ATP10B: variants seen among roughly 807,000 people sequenced by gnomAD.
ATP10B encodes phospholipid-transporting ATPase VB.
ATP10B carries 122 observed loss-of-function variants against 141.2 expected under a neutral mutation model. That is an observed-to-expected ratio of 0.86 (90% CI 0.75 to 1.00). The LOEUF (loss-of-function observed/expected upper bound fraction) is 1.00, where lower values mean the gene tolerates loss of function less well. Ranked by LOEUF, ATP10B falls within the 50% of genes least tolerant of loss-of-function variation. The probability of loss-of-function intolerance (pLI) is 0.00; values close to 1 mark genes in which losing one functional copy is unlikely to be tolerated. For synonymous variants in ATP10B, 685 were observed against 692.0 expected, an observed-to-expected ratio of 0.99 and a Z score of 0.16; for missense variants, 1,876 against 1,825.3, an observed-to-expected ratio of 1.03 and a Z score of -0.51.
Position 160,785,554 on chromosome 5 carries a change from A to G in ATP10B, c.-331+5T>C. The G allele has an allele frequency of 1.5e-6, 1 of 652,758 alleles. No homozygotes were observed. The highest frequency in any genetic ancestry group is 1.5e-5 in the South Asian group (1 of 68,290). The allele number at this position is 652,758 out of a possible 1,614,324, so 40.4% of individuals were successfully genotyped here. On this transcript the variant is annotated splice_donor_5th_base_variant and intron_variant, in intron 2 of 25. Transcript: ENST00000327245. Reference sequence around the variant, plus strand: ...ACCCCACTGCCCAAGAAGTAAAGATAGTACCTGATAGGTAGATTTCAAGTC... The same window carrying G: ...ACCCCACTGCCCAAGAAGTAAAGATGGTACCTGATAGGTAGATTTCAAGTC...
intron 7 of ATP10B, among the ~76,000 whole-genome samples, chr5:160,667,705 G>T (rs1241670171): frequency 6.6e-6 from 1 of 152,170 alleles, no homozygotes; most frequent in African/African-American, 2.4e-5. Flanking sequence ...GAGTGTGAAT[G>T]ACCCTTTTAC....
rs183076673 is a variant in ATP10B, at chr5:160,667,958, C to T, written c.675+2505G>A. 3.3e-4 allele frequency among the ~76,000 whole-genome samples: 50 copies of T among 152,082 alleles called. 1 individual carries two copies. In the South Asian group the frequency reaches 5.6e-3, roughly 17 times the overall value. ...AAAAACGGTAGAATAGGCCAGGCAC[C>T]GGGGCTCACACCTGTAATCCCCACA... On this transcript the variant is annotated intron_variant, in intron 7 of 25. Transcript: ENST00000327245.
intron 24 of ATP10B, 74 bp from the exon 25 acceptor site, chr5:160,569,757 T>C: frequency 8.2e-7 from 1 of 1,216,006 alleles, no homozygotes; most frequent in Non-Finnish European, 1.1e-6. Context: ...AACTACTTGA[T>C]TAACTTTGTT....
chr5:160,640,543 G>C lies in ATP10B; in HGVS notation c.918C>G (p.Arg306=), dbSNP rs1208931664. The C allele has an allele frequency of 1.9e-6, 3 of 1,614,122 alleles. No individual in the cohort carries two copies. The highest frequency in any genetic ancestry group is 2.5e-6 in the Non-Finnish European group (3 of 1,180,000). ...MLNNSGPRYK[R]SKIERRMNID... The stretch of plus-strand genomic sequence containing the variant: ...TATTCATGCGCCGCTCAATCTTGCT[G>C]CGTTTGTACCGGGGGCCACTGTTGT... The change falls in exon 10 of 26, where the codon CGC becomes CGG. Residue 306 remains arginine (R), a synonymous_variant. Coordinates refer to ENST00000327245, the MANE Select transcript of ATP10B (RefSeq NM_025153.3).
intron 3 of ATP10B, among the ~76,000 whole-genome samples, chr5:160,706,877 C>A (rs1216766311): frequency 6.6e-6 from 1 of 152,114 alleles, no homozygotes; most frequent in Non-Finnish European, 1.5e-5. Context: ...GTCACAGTGA[C>A]ACATAGGCCT....
chr5:160,802,443 T>C (rs1772437773), intron 1 of ATP10B, among the ~76,000 whole-genome samples: 2 of 152,172 alleles, frequency 1.3e-5, no homozygotes, highest in African/African-American at 4.8e-5. Context: ...CTAGAGGCAT[T>C]TTTGGTTGTC....
chr5:160,687,013 A>G (rs12652215), intron 5 of ATP10B: 841,614 of 972,010 alleles, frequency 0.87, 364,586 homozygotes, highest in East Asian at 0.9. Flanking sequence ...CTTTGCATGT[A>G]CAGGTCTGTC....
At chr5:160,854,665 T>C (rs1389873252), upstream of ATP10B, among the ~76,000 whole-genome samples, 1 of 152,164 alleles carries the variant, frequency 6.6e-6, no homozygotes, top group African/African-American at 2.4e-5. Context: ...TAGAATGACT[T>C]ATAGGGTATA....
At chr5:160,823,482 C>T (rs917056147) in intron 1 of ATP10B, among the ~76,000 whole-genome samples, 14 of 151,866 alleles carry the variant, frequency 9.2e-5, no homozygotes, top group Admixed American at 3.3e-4. Flanking sequence ...GGCAAACCAC[C>T]GTGGCACACA....
chr5:160,778,341 A>C (rs1490246816), intron 2 of ATP10B, among the ~76,000 whole-genome samples: 1 of 152,196 alleles, frequency 6.6e-6, no homozygotes, highest in African/African-American at 2.4e-5. Context: ...CAAGGATGGA[A>C]GAAAGACTGC....
chr5:160,814,848 A>C (rs1038963896), intron 1 of ATP10B, among the ~76,000 whole-genome samples: 2 of 152,222 alleles, frequency 1.3e-5, no homozygotes, highest in African/African-American at 4.8e-5. Context: ...CTTAAAGAAA[A>C]GATTTTTTAA....
chr5:160,889,219 A>C, the ATP10B span, among the ~76,000 whole-genome samples: 380 of 152,272 alleles, frequency 2.5e-3, 2 homozygotes, highest in African/African-American at 8.5e-3. Flanking sequence ...GCCTTCCAAC[A>C]TTCCTCATTG....
At position 160,604,053 on chromosome 5, in the gene ATP10B, G is replaced by A; in HGVS notation, c.3161-12C>T. ...ATTTGCTCCATCACCTGAAAGAGAG[G>A]TCATAACGTGTCTTTATTTTTGGTC... is the stretch of plus-strand genomic sequence containing the variant. On this transcript the variant is annotated splice_polypyrimidine_tract_variant and intron_variant, in intron 19 of 25. Coordinates refer to ENST00000327245, the MANE Select transcript of ATP10B (RefSeq NM_025153.3). The A allele has an allele frequency of 6.2e-7, 1 of 1,610,998 alleles. No individual in the cohort carries two copies. The highest frequency in any genetic ancestry group is 8.5e-7 in the Non-Finnish European group (1 of 1,177,512).
chr5:160,760,974 T>C (rs1768986624), intron 2 of ATP10B, among the ~76,000 whole-genome samples: 1 of 152,108 alleles, frequency 6.6e-6, no homozygotes, highest in South Asian at 2.1e-4. Context: ...TCTTGGCAGC[T>C]CAATAGCCCC....
At chr5:160,729,859 G>T (rs901522408) in intron 2 of ATP10B, among the ~76,000 whole-genome samples, 1 of 152,056 alleles carries the variant, frequency 6.6e-6, no homozygotes, top group African/African-American at 2.4e-5. Flanking sequence ...ATCAGAGCCC[G>T]GACAGCCTTG....
intron 24 of ATP10B, among the ~76,000 whole-genome samples, chr5:160,587,315 G>A (rs578177581): frequency 2.0e-5 from 3 of 151,044 alleles, no homozygotes; most frequent in South Asian, 2.1e-4. Flanking sequence ...TGGTGTATAT[G>A]TCTGTGTTGG....
chr5:160,652,521 C>T (rs1330775697), intron 7 of ATP10B, among the ~76,000 whole-genome samples: 5 of 145,788 alleles, frequency 3.4e-5, no homozygotes, highest in Admixed American at 7.0e-5. Context: ...TGCAGTGGTG[C>T]GATCACAGCT....
chr5:160,715,174 C>G (rs1426917916), intron 3 of ATP10B, among the ~76,000 whole-genome samples: 4 of 148,844 alleles, frequency 2.7e-5, no homozygotes, highest in Non-Finnish European at 4.5e-5. Context: ...CTTTGTTTAC[C>G]TAAGCAAGCC....
intron 1 of ATP10B, among the ~76,000 whole-genome samples, chr5:160,806,793 G>A (rs1561874095): frequency 6.6e-6 from 1 of 152,220 alleles, no homozygotes; most frequent in African/African-American, 2.4e-5. Flanking sequence ...ATCTGTAAAT[G>A]GCAGAGTAAA....
Sources: gnomAD v4.1 joint callset for allele counts (sites outside exome capture counted in the v4.1 genomes callset) on GRCh38, gnomAD v4.1.1 for gene constraint, MANE v1.5 for transcripts, NCBI Gene and HGNC (gene_info 2026-07-23, HGNC 2026-07-21) for gene names.